WDR17: variants seen among roughly 807,000 people sequenced by gnomAD.
WDR17 encodes WD repeat-containing protein 17.
WDR17 carries 143 observed loss-of-function variants against 161.7 expected under a neutral mutation model. That is an observed-to-expected ratio of 0.88 (90% CI 0.77 to 1.02). The LOEUF (loss-of-function observed/expected upper bound fraction) is 1.02, where lower values mean the gene tolerates loss of function less well. Among genes scored for constraint, WDR17 ranks in the 50% least tolerant of loss-of-function variants. The pLI is 0.00. For synonymous variants in WDR17, 517 were observed against 515.6 expected, an observed-to-expected ratio of 1.00 and a Z score of -0.04; for missense variants, 1,469 against 1,520.9, an observed-to-expected ratio of 0.97 and a Z score of 0.57.
intron 18 of WDR17, among the ~76,000 whole-genome samples, chr4:176,156,865 T>C (rs1748222136): frequency 6.6e-6 from 1 of 152,126 alleles, no homozygotes; most frequent in African/African-American, 2.4e-5. Context: ...CTTGGCATCT[T>C]GTGGCTTTTT....
In WDR17 at chr4:176,120,100, A is replaced by G. The variant is rs758001734; in HGVS notation, c.538+3A>G. The G allele has an allele frequency of 3.7e-6, 6 of 1,608,732 alleles. No homozygotes were observed. The highest frequency in any genetic ancestry group is 5.1e-6 in the Non-Finnish European group (6 of 1,175,648). Reference sequence around the variant, plus strand: ...AAGTCTATCAATTTTTCATCCAGGTAAGAATTTAATTAGCAAGGTATCTTA... The same window carrying G: ...AAGTCTATCAATTTTTCATCCAGGTGAGAATTTAATTAGCAAGGTATCTTA... On this transcript the variant is annotated splice_donor_region_variant and intron_variant, in intron 4 of 28. Transcript: ENST00000508596.
At chr4:176,118,267 C>T (rs1005143100) in intron 3 of WDR17, among the ~76,000 whole-genome samples, 4 of 152,144 alleles carry the variant, frequency 2.6e-5, no homozygotes, top group African/African-American at 9.7e-5. Flanking sequence ...CTGGTCCTTT[C>T]GCTTTCCTTG....
rs979534540 is a variant in WDR17 at position 176,113,800 on chromosome 4, C to A, written c.124-1996C>A. 3.9e-5 allele frequency among the ~76,000 whole-genome samples: 6 copies of A among 152,016 alleles called. No homozygotes were observed. The East Asian group carries it at 1.2e-3, about 29-fold the overall frequency. The stretch of plus-strand genomic sequence containing the variant: ...AATGATACTCTTGTATTATATTTTT[C>A]TGAATGATTAAATGATAATGGGAAA... On this transcript the variant is annotated intron_variant, in intron 2 of 28. Transcript: ENST00000508596.
chr4:176,101,992 G>A (rs1486874386), intron 1 of WDR17, among the ~76,000 whole-genome samples: 1 of 152,070 alleles, frequency 6.6e-6, no homozygotes, highest in Non-Finnish European at 1.5e-5. Context: ...GATACAAAAG[G>A]TATGTTTTAT....
chr4:176,165,661 C>G (rs1749670685), intron 22 of WDR17, among the ~76,000 whole-genome samples: 1 of 152,098 alleles, frequency 6.6e-6, no homozygotes, highest in Non-Finnish European at 1.5e-5. Context: ...GAAGAGAAAT[C>G]AATTTACTAT....
Position 176,125,171 on chromosome 4 carries a change from T to C in WDR17, c.606T>C (p.Val202=). The stretch of plus-strand genomic sequence containing the variant: ...AAGGGACAGATGAAGAGGATCCAGT[T>C]ACGGCCTTGGAATGGGACCCACTAT... ...SLEGTDEEDP[V]TALEWDPLST... The change falls in exon 5 of 29, where the codon GTT becomes GTC. Residue 202 remains valine (V), a synonymous_variant. Transcript: ENST00000508596. 6.2e-7 allele frequency: 1 copy of C among 1,614,196 alleles called. No homozygotes were observed. The highest frequency in any genetic ancestry group is 8.5e-7 in the Non-Finnish European group (1 of 1,180,022).
intron 1 of WDR17, among the ~76,000 whole-genome samples, chr4:176,080,415 G>A (rs1464411807): frequency 6.6e-6 from 1 of 151,486 alleles, no homozygotes; most frequent in Non-Finnish European, 1.5e-5. Context: ...TTGAAGTTCA[G>A]GGAGATGATG....
intron 5 of WDR17, among the ~76,000 whole-genome samples, chr4:176,127,089 G>A (rs890080555): frequency 6.6e-6 from 1 of 152,124 alleles, no homozygotes; most frequent in Non-Finnish European, 1.5e-5. Context: ...AAGTATACGA[G>A]AAAATATGCA....
At chr4:176,071,662 A>G (rs34172781) in intron 1 of WDR17, among the ~76,000 whole-genome samples, 2 of 151,958 alleles carry the variant, frequency 1.3e-5, no homozygotes, top group African/African-American at 4.8e-5. Context: ...AATGGTCACA[A>G]TGAAAGTATA....
At chr4:176,075,800 A>G (rs1733888758) in intron 1 of WDR17, among the ~76,000 whole-genome samples, 1 of 151,912 alleles carries the variant, frequency 6.6e-6, no homozygotes, top group Admixed American at 6.6e-5. Context: ...GTGATGCCCT[A>G]TGTCTACAAA....
intron 7 of WDR17, among the ~76,000 whole-genome samples, chr4:176,132,735 T>C (rs1376331553): frequency 6.6e-6 from 1 of 152,000 alleles, no homozygotes; most frequent in Non-Finnish European, 1.5e-5. Context: ...TTTCTTTTTA[T>C]ATAAACTCTT....
At chr4:176,170,840 T>A (rs1291107978) in intron 23 of WDR17, among the ~76,000 whole-genome samples, 5 of 152,228 alleles carry the variant, frequency 3.3e-5, no homozygotes, top group Admixed American at 3.3e-4. Flanking sequence ...CAAGTACAGA[T>A]GCTCCTCGAC....
intron 7 of WDR17, among the ~76,000 whole-genome samples, chr4:176,134,516 G>T (rs1744083826): frequency 6.6e-6 from 1 of 151,630 alleles, no homozygotes; most frequent in African/African-American, 2.4e-5. Flanking sequence ...CCAAATCATT[G>T]TGTAATGGGA....
In WDR17 at chr4:176,121,422, G is replaced by T. The variant is rs766375074; in HGVS notation, c.538+1325G>T. 3.5e-4 allele frequency among the ~76,000 whole-genome samples: 52 copies of T among 150,634 alleles called. 2 individuals are homozygous for T. The Middle Eastern group carries it at 0.017, about 50-fold the overall frequency. ...AATAAATATGGCTGTATGCTGTGTG[G>T]TTCCTCCTCTTACCTCTCTGCATTA... On this transcript the variant is annotated intron_variant, in intron 4 of 28. Coordinates refer to ENST00000508596, the MANE Select transcript of WDR17 (RefSeq NM_181265.4).
intron 1 of WDR17, among the ~76,000 whole-genome samples, chr4:176,091,991 G>A (rs1369969043): frequency 1.3e-5 from 2 of 151,988 alleles, no homozygotes; most frequent in African/African-American, 4.8e-5. Context: ...GGGCACAATG[G>A]CTTTACTGCT....
intron 1 of WDR17, among the ~76,000 whole-genome samples, chr4:176,095,922 G>A (rs1736786116): frequency 6.6e-6 from 1 of 152,032 alleles, no homozygotes; most frequent in Admixed American, 6.6e-5. Flanking sequence ...ACATTCATGT[G>A]GTTTTGACTC....
chr4:176,082,281 A>G (rs2126595731), intron 1 of WDR17, among the ~76,000 whole-genome samples: 1 of 152,216 alleles, frequency 6.6e-6, no homozygotes, highest in South Asian at 2.1e-4. Context: ...TTGTTGTATT[A>G]CTATAGACAG....
At chr4:176,154,715 G>A (rs1420567522) in intron 17 of WDR17, among the ~76,000 whole-genome samples, 1 of 152,066 alleles carries the variant, frequency 6.6e-6, no homozygotes, top group Non-Finnish European at 1.5e-5. Context: ...TAAATACGTA[G>A]TATTAAAAAT....
At chr4:176,092,910 C>T (rs1001819911) in intron 1 of WDR17, among the ~76,000 whole-genome samples, 8 of 151,976 alleles carry the variant, frequency 5.3e-5, no homozygotes, top group African/African-American at 7.2e-5. Flanking sequence ...GGTGTGGTGG[C>T]GCATGCCTGT....
Sources: gnomAD v4.1 joint callset for allele counts (sites outside exome capture counted in the v4.1 genomes callset) on GRCh38, gnomAD v4.1.1 for gene constraint, MANE v1.5 for transcripts, NCBI Gene and HGNC (gene_info 2026-07-23, HGNC 2026-07-21) for gene names.